The following NKAIN2 variants were observed in gnomAD, a reference collection of about 807,000 sequenced individuals.
NKAIN2 encodes sodium/potassium-transporting ATPase subunit beta-1-interacting protein 2.
NKAIN2 carries 14 observed loss-of-function variants against 32.6 expected under a neutral mutation model. The observed-to-expected ratio is 0.43, with a 90% CI of 0.28 to 0.67. The LOEUF (loss-of-function observed/expected upper bound fraction) is 0.67, where lower values mean the gene tolerates loss of function less well. Among genes scored for constraint, NKAIN2 ranks in the 30% least tolerant of loss-of-function variants. The probability of loss-of-function intolerance (pLI) is 0.17; values close to 1 mark genes in which losing one functional copy is unlikely to be tolerated. For missense variants in NKAIN2, 198 were observed against 258.3 expected, an observed-to-expected ratio of 0.77 and a Z score of 1.60; for synonymous variants, 80 against 87.2, an observed-to-expected ratio of 0.92 and a Z score of 0.46.
At chr6:124,216,798 G>A (rs1328948415) in intron 1 of NKAIN2, among the ~76,000 whole-genome samples, 1 of 152,046 alleles carries the variant, frequency 6.6e-6, no homozygotes, top group East Asian at 1.9e-4. Flanking sequence ...TAAATATATT[G>A]ACAAATAGGT....
chr6:123,974,362 G>C (rs976131333), intron 1 of NKAIN2, among the ~76,000 whole-genome samples: 2 of 152,062 alleles, frequency 1.3e-5, no homozygotes, highest in Admixed American at 6.6e-5. Context: ...TTCAGTTCCT[G>C]CCGTGTTTCT....
At chr6:124,194,125 G>A (rs893606724) in intron 1 of NKAIN2, among the ~76,000 whole-genome samples, 19 of 151,810 alleles carry the variant, frequency 1.3e-4, no homozygotes, top group African/African-American at 4.4e-4. Flanking sequence ...CCCAGAAAAA[G>A]CACCACAAGT....
intron 3 of NKAIN2, among the ~76,000 whole-genome samples, chr6:124,578,607 TG>T (rs1374108492): frequency 6.6e-6 from 1 of 152,114 alleles, no homozygotes; most frequent in African/African-American, 2.4e-5. Flanking sequence ...GCCCTGCTCC[TG>T]TATGGCATCT....
intron 1 of NKAIN2, among the ~76,000 whole-genome samples, chr6:124,090,130 ATGTT>A (rs967000299): frequency 1.3e-5 from 2 of 151,984 alleles, no homozygotes; most frequent in African/African-American, 4.8e-5. Context: ...TACTTGCAGA[ATGTT>A]TGTCGAATGG....
chr6:123,838,293 C>G (rs1490352), intron 1 of NKAIN2, among the ~76,000 whole-genome samples: 1 of 151,966 alleles, frequency 6.6e-6, no homozygotes, highest in Non-Finnish European at 1.5e-5. Context: ...GAAACTTAAC[C>G]GAAAGGGTTT....
At chr6:124,492,297 A>T in intron 3 of NKAIN2, among the ~76,000 whole-genome samples, 1 of 152,080 alleles carries the variant, frequency 6.6e-6, no homozygotes, top group East Asian at 1.9e-4. Flanking sequence ...GCCTATTGAA[A>T]ACAACAGAAA....
chr6:124,550,849 A>T, intron 3 of NKAIN2, among the ~76,000 whole-genome samples: 1 of 152,178 alleles, frequency 6.6e-6, no homozygotes, highest in East Asian at 1.9e-4. Context: ...AAAATGAGGA[A>T]GTTTCTGTTT....
chr6:124,496,979 G>A (rs944025713), intron 3 of NKAIN2, among the ~76,000 whole-genome samples: 73 of 152,092 alleles, frequency 4.8e-4, no homozygotes, highest in African/African-American at 1.7e-3. Context: ...TACTCTGAAG[G>A]ACAGTGATAT....
At chr6:124,531,758 C>T (rs574209) in intron 3 of NKAIN2, among the ~76,000 whole-genome samples, 124,922 of 152,104 alleles carry the variant, frequency 0.82, 55,604 homozygotes, top group Non-Finnish European at 0.99. Flanking sequence ...GCCACCTCCG[C>T]CTCCCTGGTT....
At chr6:124,470,312 A>G (rs186507509) in intron 3 of NKAIN2, among the ~76,000 whole-genome samples, 3 of 152,212 alleles carry the variant, frequency 2.0e-5, no homozygotes, top group Admixed American at 2.0e-4. Flanking sequence ...TAATTTCTAT[A>G]TTAACTCAAG....
intron 1 of NKAIN2, among the ~76,000 whole-genome samples, chr6:123,809,044 A>G (rs969134154): frequency 6.6e-6 from 1 of 152,214 alleles, no homozygotes; most frequent in African/African-American, 2.4e-5. Context: ...CTACAATTCC[A>G]AAGGTTGTAT....
intron 1 of NKAIN2, among the ~76,000 whole-genome samples, chr6:123,927,014 A>G (rs1358874189): frequency 6.6e-6 from 1 of 152,198 alleles, no homozygotes; most frequent in African/African-American, 2.4e-5. Flanking sequence ...AATATAATTA[A>G]CTTGCTGATA....
At chr6:124,687,743 T>TATACAC (rs1554251784) in intron 4 of NKAIN2, among the ~76,000 whole-genome samples, 10,755 of 104,256 alleles carry the variant, frequency 0.1, 857 homozygotes, top group East Asian at 0.24. Flanking sequence ...ATATGATATA[T>TATACAC]ACACACACAC....
At chr6:124,814,743 T>C (rs988862134) in intron 5 of NKAIN2, among the ~76,000 whole-genome samples, 2 of 152,122 alleles carry the variant, frequency 1.3e-5, no homozygotes, top group Admixed American at 6.5e-5. Flanking sequence ...AGCTTTGCTG[T>C]CCATTTTTGG....
Position 123,906,244 on chromosome 6 carries a change from C to G in NKAIN2, c.54+101990C>G, listed in dbSNP as rs540805236. ...TAAATTATATCCTAGTGGAATTATC[C>G]ACTTTCATTAGCACCACTTTCTTCT... is the stretch of plus-strand genomic sequence containing the variant. On this transcript the variant is annotated intron_variant, in intron 1 of 6. Coordinates refer to ENST00000368417, the MANE Select transcript of NKAIN2 (RefSeq NM_001040214.3). Among the ~76,000 whole-genome samples the G allele has an allele frequency of 8.6e-5, 13 of 151,836 alleles. No homozygotes were observed. The South Asian group carries it at 1.9e-3, about 22-fold the overall frequency.
At chr6:124,748,463 C>T (rs912648192) in intron 4 of NKAIN2, among the ~76,000 whole-genome samples, 3 of 151,952 alleles carry the variant, frequency 2.0e-5, no homozygotes, top group Non-Finnish European at 4.4e-5. Flanking sequence ...TCCAAGGGTA[C>T]AGATGCTTTT....
chr6:123,905,339 C>T (rs1164282956), intron 1 of NKAIN2, among the ~76,000 whole-genome samples: 1 of 152,010 alleles, frequency 6.6e-6, no homozygotes, highest in Non-Finnish European at 1.5e-5. Context: ...GCTGAGGAAT[C>T]CTAAGTTTAG....
intron 3 of NKAIN2, among the ~76,000 whole-genome samples, chr6:124,547,775 AG>A (rs976484541): frequency 6.6e-6 from 1 of 152,192 alleles, no homozygotes; most frequent in Non-Finnish European, 1.5e-5. Flanking sequence ...TTCAGATAGT[AG>A]GAGTAGTGTA....
intron 1 of NKAIN2, among the ~76,000 whole-genome samples, chr6:124,203,362 G>A (rs981187616): frequency 6.6e-6 from 1 of 151,642 alleles, no homozygotes; most frequent in African/African-American, 2.4e-5. Flanking sequence ...TAAAACTATG[G>A]GTATTTTTGT....
Sources: gnomAD v4.1 joint callset for allele counts (sites outside exome capture counted in the v4.1 genomes callset) on GRCh38, gnomAD v4.1.1 for gene constraint, MANE v1.5 for transcripts, NCBI Gene and HGNC (gene_info 2026-07-23, HGNC 2026-07-21) for gene names.